Variants in ZBBX observed in about 807,000 individuals in gnomAD.
The protein encoded by ZBBX is zinc finger B-box domain containing, also known as zinc finger B-box domain-containing protein 1.
ZBBX carries 101 observed loss-of-function variants against 108.5 expected under a neutral mutation model. The ratio of observed to expected loss-of-function variants is 0.93; its 90% CI spans 0.79 to 1.10. The LOEUF is 1.10. Among genes scored for constraint, ZBBX ranks in the 50% least tolerant of loss-of-function variants. ZBBX has a pLI of 0.00. For synonymous variants in ZBBX, 356 were observed against 323.4 expected (o/e 1.10, Z -1.08); for missense variants, 1,009 against 941.4 (o/e 1.07, Z -0.94).
chr3:167,183,809 A>G, the ZBBX span, among the ~76,000 whole-genome samples: 1 of 152,176 alleles, frequency 6.6e-6, no homozygotes, highest in African/African-American at 2.4e-5. Context: ...GATGGGCATC[A>G]TAGCCATCAT....
At chr3:167,356,037 G>C (rs1455587728) in intron 8 of ZBBX, among the ~76,000 whole-genome samples, 1 of 151,924 alleles carries the variant, frequency 6.6e-6, no homozygotes, top group African/African-American at 2.4e-5. Context: ...CTATCTACTT[G>C]TGTCATACTG....
chr3:167,399,506 G>C (rs762687998), intron 1 of ZBBX: 2 of 152,080 alleles, frequency 1.3e-5, no homozygotes, highest in South Asian at 4.1e-4. Flanking sequence ...TACTCTGAAA[G>C]AGCATCAAGA....
At chr3:167,255,530 G>T (rs1723358982) in intron 20 of ZBBX, among the ~76,000 whole-genome samples, 1 of 151,976 alleles carries the variant, frequency 6.6e-6, no homozygotes, top group Admixed American at 6.6e-5. Flanking sequence ...TTAGCATGTG[G>T]TTTTAAAAAA....
At chr3:167,258,541 T>C (rs964472009) in intron 20 of ZBBX, among the ~76,000 whole-genome samples, 3 of 152,158 alleles carry the variant, frequency 2.0e-5, no homozygotes, top group Non-Finnish European at 4.4e-5. Flanking sequence ...TTCAGTACTA[T>C]GTTGAAGAAG....
At chr3:167,366,975 A>G in intron 5 of ZBBX, 1 of 454,808 alleles carries the variant, frequency 2.2e-6, no homozygotes, top group African/African-American at 2.0e-5. Context: ...GCTCTATTAG[A>G]GGGGGTATGT....
chr3:167,354,591 C>T (rs937491086), intron 8 of ZBBX, among the ~76,000 whole-genome samples: 1 of 151,680 alleles, frequency 6.6e-6, no homozygotes, highest in Admixed American at 6.6e-5. Context: ...AAACATTATC[C>T]TAAATCCGTA....
chr3:167,276,667 C>T (rs537215874), intron 20 of ZBBX, among the ~76,000 whole-genome samples: 1 of 152,068 alleles, frequency 6.6e-6, no homozygotes, highest in South Asian at 2.1e-4. Context: ...TGGAAAACAC[C>T]CTGCAGGATA....
chr3:167,222,470 A>G, the ZBBX span, among the ~76,000 whole-genome samples: 1 of 151,916 alleles, frequency 6.6e-6, no homozygotes, highest in Non-Finnish European at 1.5e-5. Flanking sequence ...GACAAAAAAA[A>G]TAGTTAGGTA....
chr3:167,271,213 T>G (rs1346643038), intron 20 of ZBBX, among the ~76,000 whole-genome samples: 1 of 152,204 alleles, frequency 6.6e-6, no homozygotes. Flanking sequence ...AACAAGGTCT[T>G]ATTAATAGCA....
intron 17 of ZBBX, among the ~76,000 whole-genome samples, chr3:167,302,235 C>A (rs1461247306): frequency 6.6e-6 from 1 of 151,966 alleles, no homozygotes; most frequent in African/African-American, 2.4e-5. Flanking sequence ...TTGTATTGAT[C>A]AAATCTTCTC....
chr3:167,345,550 C>A (rs1741295017), intron 9 of ZBBX, among the ~76,000 whole-genome samples: 1 of 151,758 alleles, frequency 6.6e-6, no homozygotes, highest in African/African-American at 2.4e-5. Context: ...AATCATGTGA[C>A]TTTATGATAA....
intron 18 of ZBBX, among the ~76,000 whole-genome samples, chr3:167,291,555 G>A (rs1730693764): frequency 6.6e-6 from 1 of 152,108 alleles, no homozygotes; most frequent in African/African-American, 2.4e-5. Flanking sequence ...TCTGAAGGAA[G>A]CACTAAATAT....
At chr3:167,304,159 G>A (rs1456349730) in intron 17 of ZBBX, among the ~76,000 whole-genome samples, 2 of 151,856 alleles carry the variant, frequency 1.3e-5, no homozygotes, top group African/African-American at 2.4e-5. Flanking sequence ...TAGTCTCACA[G>A]GATAGAGATT....
intron 20 of ZBBX, chr3:167,252,235 A>G: frequency 8.0e-7 from 1 of 1,252,332 alleles, no homozygotes; most frequent in Non-Finnish European, 1.0e-6. Flanking sequence ...AAAACAAGTC[A>G]GAGAGGTTGC....
intron 20 of ZBBX, among the ~76,000 whole-genome samples, chr3:167,255,230 C>T (rs1723296156): frequency 6.6e-6 from 1 of 151,842 alleles, no homozygotes; most frequent in Non-Finnish European, 1.5e-5. Context: ...GGTCAGACGA[C>T]AACAGGAAAA....
At chr3:167,230,135 G>A in the ZBBX span, among the ~76,000 whole-genome samples, 4 of 151,748 alleles carry the variant, frequency 2.6e-5, no homozygotes, top group Non-Finnish European at 5.9e-5. Context: ...GTAAAATGGG[G>A]ACTAATAAAC....
chr3:167,214,525 C>A, the ZBBX span, among the ~76,000 whole-genome samples: 1 of 152,062 alleles, frequency 6.6e-6, no homozygotes, highest in African/African-American at 2.4e-5. Context: ...TAATAGACTC[C>A]CACATAAATA....
chr3:167,235,607 T>C (rs944644571), downstream of ZBBX, among the ~76,000 whole-genome samples: 8 of 151,552 alleles, frequency 5.3e-5, no homozygotes, highest in African/African-American at 1.9e-4. Context: ...TAGATAGCCT[T>C]TCAGAACTAT....
At chr3:167,348,975 G>A (rs527272947) in intron 9 of ZBBX, among the ~76,000 whole-genome samples, 1 of 152,022 alleles carries the variant, frequency 6.6e-6, no homozygotes, top group Admixed American at 6.6e-5. Flanking sequence ...ATCTGCATCT[G>A]GATCACAATA....
Sources: allele counts gnomAD v4.1 joint callset (sites outside exome capture counted in the v4.1 genomes callset), GRCh38; gene constraint gnomAD v4.1.1; transcripts MANE v1.5; gene names NCBI Gene and HGNC (gene_info 2026-07-23, HGNC 2026-07-21).